The following TMEM132C variants were observed in gnomAD, a reference collection of about 807,000 sequenced individuals.
The protein encoded by TMEM132C is transmembrane protein 132C.
In TMEM132C, 29 loss-of-function variants were observed where a neutral mutation model predicts 61.4. The observed-to-expected ratio is 0.47, with a 90% CI of 0.35 to 0.64. The LOEUF (loss-of-function observed/expected upper bound fraction) is 0.64, where lower values mean the gene tolerates loss of function less well. Ranked by LOEUF, TMEM132C falls within the 30% of genes least tolerant of loss-of-function variation. The pLI is 0.00. For synonymous variants in TMEM132C, 656 were observed against 633.1 expected (o/e 1.04, Z -0.54); for missense variants, 1,408 against 1,476.9 (o/e 0.95, Z 0.76).
chr12:128,525,346 C>CTCTCTCTT (rs1873050461), intron 2 of TMEM132C, among the ~76,000 whole-genome samples: 1 of 133,886 alleles, frequency 7.5e-6, no homozygotes, highest in Non-Finnish European at 1.6e-5. Context: ...CTCTCTCTTT[C>CTCTCTCTT]TCTCTCTCTC....
intron 2 of TMEM132C, among the ~76,000 whole-genome samples, chr12:128,500,216 A>G (rs1023176797): frequency 2.0e-5 from 3 of 152,206 alleles, no homozygotes; most frequent in Non-Finnish European, 4.4e-5. Flanking sequence ...TGCAAAATCT[A>G]CTTGGAAGAG....
In TMEM132C at chr12:128,413,774, T is replaced by C. The variant is rs185372770; in HGVS notation, c.86-958T>C. ...CCATTAGCCCTTTTAATGTGATATA[T>C]GTGTTGCAAATATTTACTCCCAGCC... is the stretch of plus-strand genomic sequence containing the variant. On this transcript the variant is annotated intron_variant, in intron 1 of 8. Coordinates refer to ENST00000435159, the MANE Select transcript of TMEM132C (RefSeq NM_001136103.3). Among the ~76,000 whole-genome samples, 252 of 152,286 alleles carry C rather than the reference T, an allele frequency of 1.7e-3. 1 individual carries two copies. Among genetic ancestry groups the C allele is most frequent in the Admixed American group, 7.2e-3 (110 of 15,288 alleles).
intron 1 of TMEM132C, among the ~76,000 whole-genome samples, chr12:128,375,580 G>A (rs1874168553): frequency 6.6e-6 from 1 of 152,044 alleles, no homozygotes; most frequent in African/African-American, 2.4e-5. Flanking sequence ...CAAGCCATTA[G>A]ATTTAGGGCC....
At chr12:128,696,228 A>G in intron 7 of TMEM132C, 125 bp downstream of exon 7, 1 of 1,314,468 alleles carries the variant, frequency 7.6e-7, no homozygotes. Flanking sequence ...GAACACAGGA[A>G]GATGAGCCCA....
At chr12:128,409,924 T>C (rs1868475775) in intron 1 of TMEM132C, among the ~76,000 whole-genome samples, 1 of 152,194 alleles carries the variant, frequency 6.6e-6, no homozygotes, top group Admixed American at 6.5e-5. Context: ...TCTTTGGTGA[T>C]CAATGACTAA....
intron 2 of TMEM132C, among the ~76,000 whole-genome samples, chr12:128,533,017 G>C (rs542357310): frequency 1.6e-4 from 24 of 151,580 alleles, no homozygotes; most frequent in African/African-American, 5.8e-4. Context: ...TGTCAGGTCA[G>C]TGGGTGGGTT....
chr12:128,663,258 C>A (rs1024460599), intron 4 of TMEM132C, among the ~76,000 whole-genome samples: 3 of 152,242 alleles, frequency 2.0e-5, no homozygotes, highest in Non-Finnish European at 4.4e-5. Context: ...TTCCCCATCC[C>A]TGCAGCGCCT....
chr12:128,381,761 G>T (rs577363025), intron 1 of TMEM132C, among the ~76,000 whole-genome samples: 1 of 152,182 alleles, frequency 6.6e-6, no homozygotes, highest in African/African-American at 2.4e-5. Context: ...GGCATCTGGC[G>T]GCTTGAAAGA....
chr12:128,385,500 A>C (rs1218517844), intron 1 of TMEM132C, among the ~76,000 whole-genome samples: 4 of 152,204 alleles, frequency 2.6e-5, no homozygotes, highest in Non-Finnish European at 5.9e-5. Context: ...TGATGATCAC[A>C]TTTCCTTTTG....
intron 1 of TMEM132C, among the ~76,000 whole-genome samples, chr12:128,294,865 A>G (rs967827559): frequency 6.6e-6 from 1 of 152,166 alleles, no homozygotes; most frequent in Non-Finnish European, 1.5e-5. Context: ...TCAAGGAACA[A>G]AGACGTTTAG....
chr12:128,650,497 G>A (rs1214521306), intron 4 of TMEM132C, among the ~76,000 whole-genome samples: 1 of 152,156 alleles, frequency 6.6e-6, no homozygotes, highest in East Asian at 1.9e-4. Flanking sequence ...GCTGAGGTGG[G>A]AGGATTGCTT....
chr12:128,348,022 A>G (rs1271711944), intron 1 of TMEM132C, among the ~76,000 whole-genome samples: 1 of 152,248 alleles, frequency 6.6e-6, no homozygotes, highest in Non-Finnish European at 1.5e-5. Context: ...TATGTAATCA[A>G]TTTGGGGAGT....
chr12:128,445,132 C>G (rs960190730), intron 2 of TMEM132C, among the ~76,000 whole-genome samples: 1 of 151,904 alleles, frequency 6.6e-6, no homozygotes, highest in African/African-American at 2.4e-5. Context: ...AAGCAGAGAA[C>G]AGGCCTGTTG....
At chr12:128,656,715 T>C (rs1304132148) in intron 4 of TMEM132C, among the ~76,000 whole-genome samples, 3 of 152,144 alleles carry the variant, frequency 2.0e-5, no homozygotes, top group Non-Finnish European at 2.9e-5. Context: ...GGCACCACAC[T>C]TTGAGAACCA....
intron 2 of TMEM132C, among the ~76,000 whole-genome samples, chr12:128,448,581 C>G (rs1412016261): frequency 6.6e-6 from 1 of 152,192 alleles, no homozygotes; most frequent in East Asian, 1.9e-4. Flanking sequence ...TGGTATAACA[C>G]TGCTTTTGCC....
chr12:128,516,224 G>C (rs563200287), intron 2 of TMEM132C, among the ~76,000 whole-genome samples: 13 of 152,220 alleles, frequency 8.5e-5, no homozygotes, highest in Non-Finnish European at 1.8e-4. Flanking sequence ...TTTATCCATA[G>C]GAGCCAAACA....
chr12:128,641,191 T>A (rs1211454237), intron 4 of TMEM132C, among the ~76,000 whole-genome samples: 1 of 152,128 alleles, frequency 6.6e-6, no homozygotes, highest in Admixed American at 6.5e-5. Flanking sequence ...GCCTCATTTG[T>A]GCCCTTGTCC....
chr12:128,623,545 A>G (rs921017925), intron 4 of TMEM132C, among the ~76,000 whole-genome samples: 19 of 152,050 alleles, frequency 1.2e-4, no homozygotes, highest in African/African-American at 4.6e-4. Context: ...ATTGGCTCAC[A>G]CCTGTAATCC....
chr12:128,638,911 A>G (rs144703199), intron 4 of TMEM132C, among the ~76,000 whole-genome samples: 2,148 of 92,456 alleles, frequency 0.023, 101 homozygotes, highest in African/African-American at 0.074. Flanking sequence ...GGTGATGGTG[A>G]TGATGGTGGT....
Sources: gnomAD v4.1 joint callset for allele counts (sites outside exome capture counted in the v4.1 genomes callset) on GRCh38, gnomAD v4.1.1 for gene constraint, MANE v1.5 for transcripts, NCBI Gene and HGNC (gene_info 2026-07-23, HGNC 2026-07-21) for gene names.